Variants in PDE10A observed in about 807,000 individuals in gnomAD.
PDE10A encodes cAMP and cAMP-inhibited cGMP 3',5'-cyclic phosphodiesterase 10A.
Under a neutral mutation model 97.7 loss-of-function variants are expected in PDE10A, and 39 were observed. That is an observed-to-expected ratio of 0.40 (90% CI 0.31 to 0.52). The LOEUF is 0.52. PDE10A is among the 20% of genes least tolerant of loss of function. The pLI, the probability that PDE10A is intolerant of heterozygous loss-of-function variation, is 0.56. For missense variants in PDE10A, 731 were observed against 1,047.8 expected (o/e 0.70, Z 4.17); for synonymous variants, 371 against 376.8 (o/e 0.98, Z 0.18).
intron 1 of PDE10A, among the ~76,000 whole-genome samples, chr6:165,859,825 A>G (rs902084429): frequency 6.6e-6 from 1 of 152,330 alleles, no homozygotes; most frequent in South Asian, 2.1e-4. Flanking sequence ...GGTAAAGAAT[A>G]TATCATATAT....
At chr6:165,569,889 G>A (rs890693844) in intron 1 of PDE10A, among the ~76,000 whole-genome samples, 3 of 152,156 alleles carry the variant, frequency 2.0e-5, no homozygotes, top group African/African-American at 4.8e-5. Flanking sequence ...TTGTTTTCTG[G>A]AGAGGAAAAA....
intron 1 of PDE10A, among the ~76,000 whole-genome samples, chr6:165,708,423 T>C (rs1392414432): frequency 6.6e-6 from 1 of 151,946 alleles, no homozygotes; most frequent in Non-Finnish European, 1.5e-5. Context: ...CATTTGCATC[T>C]TCATCTCCTG....
chr6:165,946,128 G>T (rs1405003749), intron 1 of PDE10A, among the ~76,000 whole-genome samples: 1 of 152,184 alleles, frequency 6.6e-6, no homozygotes, highest in Non-Finnish European at 1.5e-5. Context: ...TTGGTCACGG[G>T]TTAGGAAGGT....
chr6:165,848,082 T>G (rs1424342752), intron 1 of PDE10A, among the ~76,000 whole-genome samples: 1 of 64,706 alleles, frequency 1.5e-5, no homozygotes, highest in Non-Finnish European at 2.8e-5. Context: ...AATTTCCATA[T>G]GCTAGCTATT....
chr6:165,431,580 A>G (rs1789573048), intron 7 of PDE10A, 108 bp from the exon 8 acceptor site: 1 of 321,154 alleles, frequency 3.1e-6, no homozygotes, highest in East Asian at 6.3e-5. Context: ...ACATATATAT[A>G]CTATATATAG....
chr6:165,540,513 G>T (rs1016626642), intron 2 of PDE10A, among the ~76,000 whole-genome samples: 2 of 152,004 alleles, frequency 1.3e-5, no homozygotes, highest in Admixed American at 6.5e-5. Context: ...CACAGTTTCT[G>T]TTCCTGGTTC....
intron 2 of PDE10A, among the ~76,000 whole-genome samples, chr6:165,541,960 C>T (rs759790332): frequency 3.9e-5 from 6 of 152,082 alleles, no homozygotes; most frequent in Non-Finnish European, 7.4e-5. Context: ...ATTTCAGAAA[C>T]TTTAAAAATT....
At chr6:165,369,003 C>T (rs1784017400) in intron 18 of PDE10A, among the ~76,000 whole-genome samples, 1 of 152,148 alleles carries the variant, frequency 6.6e-6, no homozygotes, top group Admixed American at 6.5e-5. Context: ...CTCCAACAGA[C>T]CTGCAGCTGA....
intron 14 of PDE10A, 67 bp from the exon 15 acceptor site, chr6:165,395,331 C>T: frequency 8.9e-7 from 1 of 1,124,580 alleles, no homozygotes; most frequent in East Asian, 2.4e-5. Flanking sequence ...TAAAGAAAAG[C>T]ATTTAACTTG....
intron 2 of PDE10A, among the ~76,000 whole-genome samples, chr6:165,494,180 G>C (rs1780388209): frequency 6.6e-6 from 1 of 152,070 alleles, no homozygotes; most frequent in African/African-American, 2.4e-5. Context: ...TGATGTTGGA[G>C]TGGATGTGGT....
At chr6:165,774,831 C>CTTTTTT (rs5881660) in intron 1 of PDE10A, 3 of 107,822 alleles carry the variant, frequency 2.8e-5, no homozygotes, top group Non-Finnish European at 3.8e-5. Context: ...ACTTTTTTTT[C>CTTTTTT]TTTTTTTTTT....
intron 5 of PDE10A, among the ~76,000 whole-genome samples, chr6:165,443,676 G>A (rs963092004): frequency 6.6e-6 from 1 of 152,232 alleles, no homozygotes. Flanking sequence ...CTCTGCCCCT[G>A]CAGCAGACTT....
At position 165,330,848 on chromosome 6, in the gene PDE10A, A is replaced by G. The variant is rs1158782863; in HGVS notation, c.*2177T>C. On this transcript the variant is annotated 3_prime_UTR_variant, in exon 22 of 22. Coordinates refer to ENST00000539869, the MANE Select transcript of PDE10A (RefSeq NM_001385079.1). ...AAATTCCATCTCCAAGCGAAATGAG[A>G]TAACTAAACTAACTTTTGTGACTAA... The G allele has an allele frequency of 1.3e-5, 2 of 152,222 alleles. No individual in the cohort carries two copies. Among genetic ancestry groups the G allele is most frequent in the Non-Finnish European group, 2.9e-5 (2 of 68,028 alleles). 9.4% of individuals were successfully genotyped at this position (152,222 alleles called of 1,614,324 possible).
chr6:165,357,560 A>G (rs1469870800), intron 18 of PDE10A, among the ~76,000 whole-genome samples: 1 of 152,100 alleles, frequency 6.6e-6, no homozygotes, highest in African/African-American at 2.4e-5. Flanking sequence ...GATTTCTTCA[A>G]TGAAATATTC....
chr6:165,683,322 A>T (rs1791027286), intron 1 of PDE10A, among the ~76,000 whole-genome samples: 1 of 152,200 alleles, frequency 6.6e-6, no homozygotes, highest in Non-Finnish European at 1.5e-5. Flanking sequence ...CTTCCAGGAA[A>T]CTGCCCAGCC....
At chr6:165,644,889 G>A (rs1246094067) in intron 1 of PDE10A, among the ~76,000 whole-genome samples, 2 of 152,198 alleles carry the variant, frequency 1.3e-5, no homozygotes, top group South Asian at 2.1e-4. Context: ...CTGGATTTAC[G>A]TTGATCTCCA....
chr6:165,670,547 A>G (rs950118244), intron 1 of PDE10A, among the ~76,000 whole-genome samples: 33 of 152,242 alleles, frequency 2.2e-4, no homozygotes, highest in African/African-American at 7.5e-4. Context: ...GCTTGATTAA[A>G]AACTTGGAAT....
At chr6:165,633,301 G>T (rs1302122129) in intron 1 of PDE10A, among the ~76,000 whole-genome samples, 1 of 152,082 alleles carries the variant, frequency 6.6e-6, no homozygotes, top group African/African-American at 2.4e-5. Context: ...ATAATAAAGG[G>T]GCACAGGTTG....
At chr6:165,913,408 CA>C (rs1166155528) in intron 1 of PDE10A, among the ~76,000 whole-genome samples, 1 of 152,008 alleles carries the variant, frequency 6.6e-6, no homozygotes, top group African/African-American at 2.4e-5. Flanking sequence ...GTAGTGTTTG[CA>C]TATAGCCTAC....
Sources: gnomAD v4.1 joint callset for allele counts (sites outside exome capture counted in the v4.1 genomes callset) on GRCh38, gnomAD v4.1.1 for gene constraint, MANE v1.5 for transcripts, NCBI Gene and HGNC (gene_info 2026-07-23, HGNC 2026-07-21) for gene names.